The following ADIG variants were observed in gnomAD, a reference collection of about 807,000 sequenced individuals.
The protein encoded by ADIG is adipogenesis associated.
A neutral mutation model predicts 10.7 loss-of-function variants in ADIG; 12 were observed. The observed-to-expected ratio is 1.12, with a 90% CI of 0.72 to 1.82. ADIG has a LOEUF of 1.82. Ranked by LOEUF, ADIG falls within the 40% of genes most tolerant of loss-of-function variation. ADIG has a pLI of 0.00. For missense variants in ADIG, 72 were observed against 92.5 expected, an observed-to-expected ratio of 0.78 and a Z score of 0.91; for synonymous variants, 32 against 35.6, an observed-to-expected ratio of 0.90 and a Z score of 0.36.
chr20:38,586,334 T>C, intron 2 of ADIG, 173 bp downstream of exon 2: 1 of 597,744 alleles, frequency 1.7e-6, no homozygotes, highest in Non-Finnish European at 2.9e-6. Context: ...GGGGGAGACC[T>C]GGTGTTGCCC....
intron 1 of ADIG, among the ~76,000 whole-genome samples, chr20:38,583,750 C>A (rs368989779): frequency 6.6e-6 from 1 of 152,212 alleles, no homozygotes; most frequent in Non-Finnish European, 1.5e-5. Context: ...CCACTCCAAC[C>A]CCTCCGCAGA....
chr20:38,581,506 G>A (rs2088591447), intron 1 of ADIG, 132 bp downstream of exon 1: 5 of 1,323,630 alleles, frequency 3.8e-6, no homozygotes, highest in Non-Finnish European at 5.2e-6. Context: ...TTAGATACAA[G>A]CAGTCAACTC....
rs758558589 is a variant in ADIG at position 38,588,310 on chromosome 20, G to A, written c.*224G>A. 1.1e-5 allele frequency: 14 copies of A among 1,304,046 alleles called. 1 individual carries two copies. The South Asian group carries it at 1.6e-4, about 15-fold the overall frequency. 80.8% of individuals were successfully genotyped at this position (1,304,046 alleles called of 1,614,324 possible). Reference sequence around the variant, plus strand: ...TCCAGCCCTGCAGGGAGCCGCTCAAGTCTGGGAGGGCATGGGAGCAGTGAG... The same window carrying A: ...TCCAGCCCTGCAGGGAGCCGCTCAAATCTGGGAGGGCATGGGAGCAGTGAG... On this transcript the variant is annotated 3_prime_UTR_variant, in exon 3 of 3. Coordinates refer to ENST00000537425, the MANE Select transcript of ADIG (RefSeq NM_001393816.1).
chr20:38,584,996 T>C (rs1381818189), intron 1 of ADIG, among the ~76,000 whole-genome samples: 1 of 152,236 alleles, frequency 6.6e-6, no homozygotes, highest in Non-Finnish European at 1.5e-5. Flanking sequence ...CAGGATGGTC[T>C]CGATCTCTTG....
chr20:38,581,471 TCC>T (rs1281718424), intron 1 of ADIG, 97 bp downstream of exon 1: 16 of 1,530,810 alleles, frequency 1.0e-5, no homozygotes, highest in Non-Finnish European at 1.3e-5. Context: ...AGAAGGGGCT[TCC>T]TTCAGTCATT....
At position 38,586,116 on chromosome 20, in the gene ADIG, A is replaced by C. The variant is rs1217928833; in HGVS notation, c.212A>C (p.His71Pro). 1 of 1,604,034 alleles carries C rather than the reference A, an allele frequency of 6.2e-7. No individual in the cohort carries two copies. Among genetic ancestry groups the C allele is most frequent in the African/African-American group, 1.3e-5 (1 of 74,914 alleles). ...GAGTTTTGCTGGAAGGGGACACTCCACGGCCAAGAGAAGGAGAGGCCCTGC... is the reference window on the plus strand; with the variant it reads ...GAGTTTTGCTGGAAGGGGACACTCCCCGGCCAAGAGAAGGAGAGGCCCTGC... ...PAEFCWKGTL[H>P]GQEKERPCW The change falls in exon 2 of 3, where the codon CAC becomes CCC. Residue 71 changes from histidine (H) to proline (P), a missense_variant. His to Pro is a moderately conservative substitution (Grantham distance 77). Coordinates refer to ENST00000537425, the MANE Select transcript of ADIG (RefSeq NM_001393816.1).
Position 38,586,060 on chromosome 20 carries a change from G to C in ADIG, c.156G>C (p.Leu52Phe). ...AGGAAAATGACTCCAGTGTGTGCTTGGATTGGGAGCCCTGGAGCAAAGGCC... is the reference window on the plus strand; with the variant it reads ...AGGAAAATGACTCCAGTGTGTGCTTCGATTGGGAGCCCTGGAGCAAAGGCC... ...DSEENDSSVC[L>F]DWEPWSKGPA... Residue 52 changes from leucine (L) to phenylalanine (F), a missense_variant, in exon 2 of 3, where the codon TTG becomes TTC. By Grantham distance (22) the Leu-to-Phe change is conservative. Coordinates refer to ENST00000537425, the MANE Select transcript of ADIG (RefSeq NM_001393816.1). 1 of 1,610,544 alleles carries C rather than the reference G, an allele frequency of 6.2e-7. No individual in the cohort carries two copies. Among genetic ancestry groups the C allele is most frequent in the South Asian group, 1.1e-5 (1 of 89,950 alleles).
chr20:38,581,219 C>G lies in ADIG; in HGVS notation c.-32C>G, dbSNP rs752317304. The stretch of plus-strand genomic sequence containing the variant: ...CATGGGGCAGCCCTGCCAGCCCAGC[C>G]CAGGCTGGCCCAGCTTAGCCACACA... On this transcript the variant is annotated 5_prime_UTR_variant, in exon 1 of 3. Transcript: ENST00000537425. The G allele has an allele frequency of 6.3e-6, 10 of 1,584,698 alleles. No individual in the cohort carries two copies. The highest frequency in any genetic ancestry group is 7.7e-6 in the Non-Finnish European group (9 of 1,164,636).
At chr20:38,586,384 C>T in intron 2 of ADIG, 2 of 512,616 alleles carry the variant, frequency 3.9e-6, no homozygotes, top group South Asian at 4.3e-5. Flanking sequence ...GGAGCCTTTA[C>T]AAAGGTCCCC....
chr20:38,586,140 G>A lies in ADIG; in HGVS notation c.236G>A (p.Cys79Tyr). The A allele has an allele frequency of 6.3e-7, 1 of 1,591,698 alleles. No homozygotes were observed. Among genetic ancestry groups the A allele is most frequent in the Non-Finnish European group, 8.6e-7 (1 of 1,169,102 alleles). ...TLHGQEKERP[C>Y]W ...CACGGCCAAGAGAAGGAGAGGCCCT[G>A]CTGGTGAGCCTGCTGTGCCAGGTGA... Residue 79 changes from cysteine (C) to tyrosine (Y), a missense_variant, in exon 2 of 3, where the codon TGC (cysteine) becomes TAC (tyrosine). Cys to Tyr is a radical substitution (Grantham distance 194). Transcript: ENST00000537425.
chr20:38,581,337 G>A lies in ADIG; in HGVS notation c.87G>A (p.Leu29=), dbSNP rs2088589506. 2.5e-6 allele frequency: 4 copies of A among 1,613,896 alleles called. No individual in the cohort carries two copies. Among genetic ancestry groups the A allele is most frequent in the African/African-American group, 2.7e-5 (2 of 74,936 alleles). ...TCTGCCTCCCTGTGGGTTTGCTGTTGTTATTGATCATCTGGCTACGCTTCT... is the reference window on the plus strand; with the variant it reads ...TCTGCCTCCCTGTGGGTTTGCTGTTATTATTGATCATCTGGCTACGCTTCT... ...FWFCLPVGLL[L]LLIIWLRFLL... is the part of the protein sequence containing the mutation. Residue 29 remains leucine, a synonymous_variant, in exon 1 of 3, where the codon TTG becomes TTA. Coordinates refer to ENST00000537425, the MANE Select transcript of ADIG (RefSeq NM_001393816.1).
chr20:38,584,286 G>A (rs1222986736), intron 1 of ADIG, among the ~76,000 whole-genome samples: 1 of 152,194 alleles, frequency 6.6e-6, no homozygotes. Context: ...TGGTCAGTGG[G>A]GACAGTGCTA....
chr20:38,585,013 T>C (rs147874585), intron 1 of ADIG, among the ~76,000 whole-genome samples: 2,114 of 152,302 alleles, frequency 0.014, 45 homozygotes, highest in African/African-American at 0.047. Flanking sequence ...CTTGATCTCA[T>C]GGTCACCCGC....
chr20:38,582,899 C>A (rs533363451), intron 1 of ADIG, among the ~76,000 whole-genome samples: 2 of 152,088 alleles, frequency 1.3e-5, no homozygotes, highest in African/African-American at 4.8e-5. Context: ...CTCACTGCAA[C>A]CTCTGCCTCC....
chr20:38,587,262 C>CTCCTTGGCCACCATAGCCTGA (rs2088645762), intron 2 of ADIG, among the ~76,000 whole-genome samples: 2 of 114,022 alleles, frequency 1.8e-5, no homozygotes. Context: ...CCTTTCTCTG[C>CTCCTTGGCCACCATAGCCTGA]CCTACTCTGA....
intron 1 of ADIG, among the ~76,000 whole-genome samples, chr20:38,581,594 A>G (rs1330808791): frequency 6.6e-6 from 1 of 152,120 alleles, no homozygotes; most frequent in Non-Finnish European, 1.5e-5. Flanking sequence ...GTTTGAACCT[A>G]GAGTTCGAGA....
At chr20:38,585,160 G>A (rs1446344379) in intron 1 of ADIG, among the ~76,000 whole-genome samples, 6 of 152,198 alleles carry the variant, frequency 3.9e-5, no homozygotes, top group East Asian at 1.9e-4. Flanking sequence ...GTCTGCCTTC[G>A]GTTAACCCTC....
Position 38,588,461 on chromosome 20 carries a change from C to T in ADIG, c.*375C>T. ...CATACCCGGGGGACCCCTGACAAAC[C>T]TACCAGGCCTGACCAAGTCATTCAT... On this transcript the variant is annotated 3_prime_UTR_variant, in exon 3 of 3. Transcript: ENST00000537425. 8.3e-7 allele frequency: 1 copy of T among 1,207,878 alleles called. No homozygotes were observed. Among genetic ancestry groups the T allele is most frequent in the Non-Finnish European group, 1.1e-6 (1 of 943,762 alleles). 74.8% of individuals were successfully genotyped at this position (1,207,878 alleles called of 1,614,324 possible). A position where few individuals can be genotyped will look rare whatever the true frequency, so the allele number is the denominator to read the frequency against.
Position 38,588,374 on chromosome 20 carries a change from G to A in ADIG, c.*288G>A, listed in dbSNP as rs1282687296. 7.7e-7 allele frequency: 1 copy of A among 1,291,314 alleles called. No individual in the cohort carries two copies. Among genetic ancestry groups the A allele is most frequent in the Non-Finnish European group, 1.0e-6 (1 of 982,428 alleles). The allele number at this position is 1,291,314 out of a possible 1,614,324, so 80.0% of individuals were successfully genotyped here. On this transcript the variant is annotated 3_prime_UTR_variant, in exon 3 of 3. Transcript: ENST00000537425. ...AGAAATTGGCCAATTTAATTCAGAG[G>A]GGTCTTAAAGCAGGGCTGGGCCGGA...
Sources: allele counts gnomAD v4.1 joint callset (sites outside exome capture counted in the v4.1 genomes callset), GRCh38; gene constraint gnomAD v4.1.1; transcripts MANE v1.5; gene names NCBI Gene and HGNC (gene_info 2026-07-23, HGNC 2026-07-21).